Variants in SYNPR observed in about 807,000 individuals in gnomAD.
SYNPR encodes synaptoporin.
A neutral mutation model predicts 32.9 loss-of-function variants in SYNPR; 23 were observed. The ratio of observed to expected loss-of-function variants is 0.70; its 90% CI spans 0.50 to 0.99. The LOEUF (loss-of-function observed/expected upper bound fraction) is 0.99. Ranked by LOEUF, SYNPR falls within the 50% of genes least tolerant of loss-of-function variation. SYNPR has a pLI of 0.00. For missense variants in SYNPR, 318 were observed against 349.3 expected, an observed-to-expected ratio of 0.91 and a Z score of 0.71; for synonymous variants, 146 against 135.9, an observed-to-expected ratio of 1.07 and a Z score of -0.52.
At chr3:63,408,261 GAAAGAAAGAA>G (rs1270188546) in intron 2 of SYNPR, among the ~76,000 whole-genome samples, 2 of 121,496 alleles carry the variant, frequency 1.6e-5, no homozygotes, top group Non-Finnish European at 3.3e-5. Flanking sequence ...AAGAAAGAAA[GAAAGAAAGAA>G]AGAAAGAGGA....
intron 2 of SYNPR, among the ~76,000 whole-genome samples, chr3:63,411,516 AAAAG>A (rs1312434424): frequency 3.3e-5 from 5 of 152,146 alleles, no homozygotes; most frequent in Admixed American, 1.3e-4. Context: ...AACTGATAAT[AAAAG>A]AAAGTTATAT....
intron 2 of SYNPR, among the ~76,000 whole-genome samples, chr3:63,315,232 C>G (rs752149923): frequency 2.0e-5 from 3 of 151,856 alleles, no homozygotes; most frequent in African/African-American, 4.8e-5. Flanking sequence ...TTTTTTGGTT[C>G]CATATGAATT....
intron 3 of SYNPR, among the ~76,000 whole-genome samples, chr3:63,513,162 C>G (rs548795997): frequency 3.4e-5 from 5 of 145,100 alleles, no homozygotes; most frequent in Admixed American, 1.4e-4. Context: ...CCCTCCCCCC[C>G]ACCCCCACAC....
At chr3:63,334,860 A>G (rs2087268543) in intron 2 of SYNPR, among the ~76,000 whole-genome samples, 1 of 152,110 alleles carries the variant, frequency 6.6e-6, no homozygotes, top group Non-Finnish European at 1.5e-5. Context: ...TAACCTTTGC[A>G]CCAACCTAAT....
intron 2 of SYNPR, among the ~76,000 whole-genome samples, chr3:63,259,785 T>A (rs1037958683): frequency 2.0e-5 from 3 of 152,158 alleles, no homozygotes; most frequent in Non-Finnish European, 2.9e-5. Flanking sequence ...AGTCAAATTG[T>A]CCCTGTTTGC....
intron 4 of SYNPR, among the ~76,000 whole-genome samples, chr3:63,574,366 A>G (rs1417917923): frequency 1.3e-5 from 2 of 152,178 alleles, no homozygotes; most frequent in African/African-American, 2.4e-5. Context: ...AGTAAGCATC[A>G]ACTAGATGTT....
intron 3 of SYNPR, among the ~76,000 whole-genome samples, chr3:63,503,019 A>G (rs977968629): frequency 1.2e-4 from 18 of 152,130 alleles, no homozygotes; most frequent in African/African-American, 4.1e-4. Flanking sequence ...TCACATGGTA[A>G]GAGTATGTTT....
At chr3:63,258,269 T>C (rs1349411801) in intron 2 of SYNPR, among the ~76,000 whole-genome samples, 1 of 152,222 alleles carries the variant, frequency 6.6e-6, no homozygotes, top group Non-Finnish European at 1.5e-5. Flanking sequence ...AGAATATACA[T>C]TCTTTTAAGC....
the SYNPR span, among the ~76,000 whole-genome samples, chr3:63,206,575 G>C: frequency 1.3e-5 from 2 of 151,974 alleles, no homozygotes; most frequent in Non-Finnish European, 2.9e-5. Context: ...AAAAAGAAAA[G>C]AAAAGAAAAA....
chr3:63,520,489 G>A (rs4435638), intron 3 of SYNPR, among the ~76,000 whole-genome samples: 99,848 of 151,778 alleles, frequency 0.66, 33,081 homozygotes, highest in South Asian at 0.73. Flanking sequence ...CCTGACCAAC[G>A]TGGTGAAACC....
At chr3:63,260,768 A>G (rs2086430836) in intron 2 of SYNPR, among the ~76,000 whole-genome samples, 1 of 151,962 alleles carries the variant, frequency 6.6e-6, no homozygotes, top group Non-Finnish European at 1.5e-5. Flanking sequence ...AGAAACTACC[A>G]TCAGAGTGAA....
intron 5 of SYNPR, among the ~76,000 whole-genome samples, chr3:63,614,108 G>A (rs1360983172): frequency 6.6e-6 from 1 of 152,146 alleles, no homozygotes; most frequent in Non-Finnish European, 1.5e-5. Context: ...CCCAGCAAAG[G>A]ACTTCCAGCA....
intron 4 of SYNPR, among the ~76,000 whole-genome samples, chr3:63,595,717 T>TTA (rs1169780634): frequency 8.5e-3 from 151 of 17,736 alleles, no homozygotes; most frequent in East Asian, 0.013. Flanking sequence ...GAATCTTATT[T>TTA]TATATATATA....
rs1311239459 is a variant in SYNPR at position 63,313,611 on chromosome 3, T to C, written c.84+34869T>C. On this transcript the variant is annotated intron_variant, in intron 2 of 5. Coordinates refer to ENST00000478300, the MANE Select transcript of SYNPR (RefSeq NM_001130003.2). ...GCGTACATATATGTGTGTGTGTGTA[T>C]ACACACACATATACACACACAATGA... Among the ~76,000 whole-genome samples, 16 of 142,246 alleles carry C rather than the reference T, an allele frequency of 1.1e-4. No individual in the cohort carries two copies. In the Admixed American group the frequency reaches 1.1e-3, roughly 10 times the overall value. The allele number at this position is 142,246 out of a possible 152,430, so 93.3% of individuals were successfully genotyped here.
intron 2 of SYNPR, among the ~76,000 whole-genome samples, chr3:63,314,383 T>G (rs2106959083): frequency 6.6e-6 from 1 of 151,750 alleles, no homozygotes; most frequent in South Asian, 2.1e-4. Flanking sequence ...ACATCTACTG[T>G]TTTTTGATTC....
chr3:63,274,005 G>A (rs2086555850), upstream of SYNPR, among the ~76,000 whole-genome samples: 1 of 152,166 alleles, frequency 6.6e-6, no homozygotes, highest in South Asian at 2.1e-4. Flanking sequence ...TAAACGCACA[G>A]GCATGCTATT....
chr3:63,606,520 C>T (rs147819136), intron 4 of SYNPR, among the ~76,000 whole-genome samples: 1 of 143,570 alleles, frequency 7.0e-6, no homozygotes, highest in East Asian at 2.2e-4. Flanking sequence ...CAACTTCAAA[C>T]TCCTGGGATC....
chr3:63,477,255 T>C (rs1700945981), intron 2 of SYNPR, among the ~76,000 whole-genome samples: 1 of 152,110 alleles, frequency 6.6e-6, no homozygotes, highest in African/African-American at 2.4e-5. Context: ...CTTGATGTAT[T>C]CCAATTACGG....
At chr3:63,395,291 G>A (rs1363706138) in intron 2 of SYNPR, among the ~76,000 whole-genome samples, 1 of 152,144 alleles carries the variant, frequency 6.6e-6, no homozygotes, top group Non-Finnish European at 1.5e-5. Context: ...TTCCTTATAA[G>A]AAATCTTGAG....
Sources: allele counts gnomAD v4.1 joint callset (sites outside exome capture counted in the v4.1 genomes callset), GRCh38; gene constraint gnomAD v4.1.1; transcripts MANE v1.5; gene names NCBI Gene and HGNC (gene_info 2026-07-23, HGNC 2026-07-21).